The following CRMP1 variants were observed in gnomAD, a reference collection of about 807,000 sequenced individuals.
The protein encoded by CRMP1 is dihydropyrimidinase-related protein 1.
CRMP1 carries 19 observed loss-of-function variants against 68.3 expected under a neutral mutation model. The observed-to-expected ratio is 0.28, with a 90% confidence interval of 0.19 to 0.41. CRMP1 has a LOEUF of 0.41. Among genes scored for constraint, CRMP1 ranks in the 10% least tolerant of loss-of-function variants. CRMP1 has a pLI of 1.00. For synonymous variants in CRMP1, 439 were observed against 399.6 expected (o/e 1.10, Z -1.18); for missense variants, 791 against 967.4 (o/e 0.82, Z 2.42).
In CRMP1 at chr4:5,881,683, A is replaced by C. The variant is rs147832860; in HGVS notation, c.381+10906T>G. On this transcript the variant is annotated intron_variant, in intron 1 of 13. Transcript: ENST00000324989. The surrounding 1 kb of genome is among the most constrained non-coding windows in gnomAD (Gnocchi z 4.6). ...ATTCAACATCTCTCTGCTTGTGAAT[A>C]CTCAGGGCTCCACCTGAGAGATGCT... is the stretch of plus-strand genomic sequence containing the variant. 6.6e-6 allele frequency among the ~76,000 whole-genome samples: 1 copy of C among 152,104 alleles called. No individual in the cohort carries two copies. The highest frequency in any genetic ancestry group is 2.4e-5 in the African/African-American group (1 of 41,430).
rs377266859 is a variant in CRMP1 at position 5,865,044 on chromosome 4, A to G, written c.470+1624T>C. On this transcript the variant is annotated intron_variant, in intron 2 of 13. Transcript: ENST00000324989. This position sits in a 1 kb window ranked among gnomAD's most constrained non-coding sequence, Gnocchi z 4.1. The stretch of plus-strand genomic sequence containing the variant: ...TATGTGGTCCCTTTCAATGCCCCCA[A>G]TACTCCACAGCCCCTTTCCCCCAGC... Among the ~76,000 whole-genome samples, 6 of 151,358 alleles carry G rather than the reference A, an allele frequency of 4.0e-5. No individual in the cohort carries two copies. The highest frequency in any genetic ancestry group is 2.1e-4 in the South Asian group (1 of 4,786).
At position 5,878,508 on chromosome 4, in the gene CRMP1, T is replaced by C. The variant is rs148535847; in HGVS notation, c.382-11752A>G. 3.8e-3 allele frequency among the ~76,000 whole-genome samples: 578 copies of C among 152,290 alleles called. 3 individuals are homozygous for C. The highest frequency in any genetic ancestry group is 0.013 in the African/African-American group (543 of 41,562). ...GGGAAATACATTACATGCAGAGACC[T>C]GTCATCTAATAAACATTGCCAATGC... On this transcript the variant is annotated intron_variant, in intron 1 of 13. Transcript: ENST00000324989.
At chr4:5,857,225 CCATCAT>C (rs1249773374) in intron 3 of CRMP1, among the ~76,000 whole-genome samples, 1 of 151,356 alleles carries the variant, frequency 6.6e-6, no homozygotes, top group African/African-American at 2.4e-5. Flanking sequence ...ACCAGCACCA[CCATCAT>C]CACCATCACC....
chr4:5,849,516 A>C (rs2152462496), intron 5 of CRMP1, 44 bp from the exon 6 acceptor site: 1 of 1,417,764 alleles, frequency 7.1e-7, no homozygotes, highest in East Asian at 2.3e-5. Flanking sequence ...TTAAAAAAAA[A>C]AAAAAATCAC....
At chr4:5,830,630 C>G (rs533251295) in intron 11 of CRMP1, among the ~76,000 whole-genome samples, 1 of 152,236 alleles carries the variant, frequency 6.6e-6, no homozygotes, top group East Asian at 1.9e-4. Flanking sequence ...TATTGTAAAC[C>G]AAATTCTCAT....
In CRMP1 at chr4:5,841,463, G is replaced by C; in HGVS notation, c.1033-35C>G. On this transcript the variant is annotated intron_variant, in intron 7 of 13. Coordinates refer to ENST00000324989, the MANE Select transcript of CRMP1 (RefSeq NM_001014809.3). The surrounding 1 kb of genome is among the most constrained non-coding windows in gnomAD (Gnocchi z 6.9). The stretch of plus-strand genomic sequence containing the variant: ...GCACACACAGTGTCACAGGAGGGAA[G>C]GCTGGTGTAACAGCTACCACCCATC... 3.1e-6 allele frequency: 5 copies of C among 1,611,508 alleles called. No individual in the cohort carries two copies. The highest frequency in any genetic ancestry group is 4.2e-6 in the Non-Finnish European group (5 of 1,177,966).
chr4:5,845,678 T>C lies in CRMP1; in HGVS notation c.964-2517A>G, dbSNP rs115567627. ...TTTAAGACGCTATGTTCTGAAGTAATTTGTTATGCAATCATGGATGACTAG... is the reference window on the plus strand; with the variant it reads ...TTTAAGACGCTATGTTCTGAAGTAACTTGTTATGCAATCATGGATGACTAG... On this transcript the variant is annotated intron_variant, in intron 6 of 13. Transcript: ENST00000324989. Among the ~76,000 whole-genome samples, 1,326 of 152,316 alleles carry C rather than the reference T, an allele frequency of 8.7e-3. 26 individuals carry two copies. Among genetic ancestry groups the C allele is most frequent in the African/African-American group, 0.03 (1,242 of 41,572 alleles).
Position 5,853,041 on chromosome 4 carries a change from C to T in CRMP1, c.821-1572G>A, listed in dbSNP as rs1712783564. ...AGCCAGTCTGGAGGAGCAGGCGCATCCTGATGAGCCAGGCAGACAGCTTGC... is the reference window on the plus strand; with the variant it reads ...AGCCAGTCTGGAGGAGCAGGCGCATTCTGATGAGCCAGGCAGACAGCTTGC... On this transcript the variant is annotated intron_variant, in intron 4 of 13. Transcript: ENST00000324989. This position sits in a 1 kb window ranked among gnomAD's most constrained non-coding sequence, Gnocchi z 4.7. 6.6e-6 allele frequency among the ~76,000 whole-genome samples: 1 copy of T among 152,204 alleles called. No individual in the cohort carries two copies.
Position 5,889,899 on chromosome 4 carries a change from G to C in CRMP1, c.381+2690C>G. ...ACAGAGAAGCCAGCTCAGTATCCCAGGAACACTAGGCATAATTTTCCCATT... is the reference window on the plus strand; with the variant it reads ...ACAGAGAAGCCAGCTCAGTATCCCACGAACACTAGGCATAATTTTCCCATT... On this transcript the variant is annotated intron_variant, in intron 1 of 13. Coordinates refer to ENST00000324989, the MANE Select transcript of CRMP1 (RefSeq NM_001014809.3). The surrounding 1 kb of genome is among the most constrained non-coding windows in gnomAD (Gnocchi z 4.5). 2.1e-6 allele frequency: 3 copies of C among 1,407,262 alleles called. No individual in the cohort carries two copies. The highest frequency in any genetic ancestry group is 2.8e-6 in the Non-Finnish European group (3 of 1,082,176). 87.2% of individuals were successfully genotyped at this position (1,407,262 alleles called of 1,614,324 possible).
Position 5,821,995 on chromosome 4 carries a change from C to G in CRMP1, c.1970-144G>C, listed in dbSNP as rs1198179743. The G allele has an allele frequency of 6.0e-6, 4 of 661,292 alleles. No individual in the cohort carries two copies. In the Admixed American group the frequency reaches 1.1e-4, roughly 19 times the overall value. The allele number at this position is 661,292 out of a possible 1,614,324, so 41.0% of individuals were successfully genotyped here. Reference sequence around the variant, plus strand: ...TCCAGGACCAGCCATGGGAAGCCTCCCTGGCCTCCACAGAGTCCACTGCTC... The same window carrying G: ...TCCAGGACCAGCCATGGGAAGCCTCGCTGGCCTCCACAGAGTCCACTGCTC... On this transcript the variant is annotated intron_variant, in intron 13 of 13. Transcript: ENST00000324989. This position sits in a 1 kb window ranked among gnomAD's most constrained non-coding sequence, Gnocchi z 4.4.
intron 3 of CRMP1, among the ~76,000 whole-genome samples, chr4:5,856,864 TCATCACCATCACCACCA>T (rs1560505613): frequency 7.9e-4 from 2 of 2,532 alleles, no homozygotes; most frequent in African/African-American, 2.0e-3. Flanking sequence ...CACCCCACCA[TCATCACCATCACCACCA>T]CCACCACCAT....
rs1712979782 is a variant in CRMP1, at chr4:5,855,405, C to G, written c.820+738G>C. Reference sequence around the variant, plus strand: ...CCCGACTGCCCCTTTCTGGACAGATCGCTCATGCCCTGTCTCTTTCCATTC... The same window carrying G: ...CCCGACTGCCCCTTTCTGGACAGATGGCTCATGCCCTGTCTCTTTCCATTC... On this transcript the variant is annotated intron_variant, in intron 4 of 13. Transcript: ENST00000324989. This position sits in a 1 kb window ranked among gnomAD's most constrained non-coding sequence, Gnocchi z 4.9. Among the ~76,000 whole-genome samples the G allele has an allele frequency of 6.6e-6, 1 of 152,214 alleles. No individual in the cohort carries two copies. The highest frequency in any genetic ancestry group is 2.4e-5 in the African/African-American group (1 of 41,458).
rs1719329716 is a variant in CRMP1 at position 5,825,077 on chromosome 4, A to G, written c.1969+417T>C. ...AAAATCATGGGTTATGAAAGTGCTT[A>G]GTACACTGCAGTGGGTGAACAGGCT... is the stretch of plus-strand genomic sequence containing the variant. On this transcript the variant is annotated intron_variant, in intron 13 of 13. Transcript: ENST00000324989. This position sits in a 1 kb window ranked among gnomAD's most constrained non-coding sequence, Gnocchi z 4.4. The G allele has an allele frequency of 1.0e-6, 1 of 985,428 alleles. No homozygotes were observed. Among genetic ancestry groups the G allele is most frequent in the Non-Finnish European group, 1.2e-6 (1 of 829,924 alleles). The allele number at this position is 985,428 out of a possible 1,614,324, so 61.0% of individuals were successfully genotyped here. A position where few individuals can be genotyped will look rare whatever the true frequency, so the allele number is the denominator to read the frequency against.
rs1366933260 is a variant in CRMP1 at position 5,843,638 on chromosome 4, G to A, written c.964-477C>T. Among the ~76,000 whole-genome samples, 1 of 152,174 alleles carries A rather than the reference G, an allele frequency of 6.6e-6. No individual in the cohort carries two copies. Among genetic ancestry groups the A allele is most frequent in the East Asian group, 1.9e-4 (1 of 5,190 alleles). ...CGTCTCTGTGACTTTGGGCAGGTTGGTCAAGCTCTCTTGACCTCAGTCTCC... is the reference window on the plus strand; with the variant it reads ...CGTCTCTGTGACTTTGGGCAGGTTGATCAAGCTCTCTTGACCTCAGTCTCC... On this transcript the variant is annotated intron_variant, in intron 6 of 13. Transcript: ENST00000324989. This position sits in a 1 kb window ranked among gnomAD's most constrained non-coding sequence, Gnocchi z 4.1.
chr4:5,835,752 C>T (rs1017418277), intron 11 of CRMP1, among the ~76,000 whole-genome samples, 163 bp downstream of exon 11: 6 of 152,226 alleles, frequency 3.9e-5, no homozygotes, highest in East Asian at 1.9e-4. Context: ...CAGATCCCTC[C>T]TCCCAATCTC....
chr4:5,856,035 T>G, intron 4 of CRMP1, 108 bp downstream of exon 4: 1 of 1,314,458 alleles, frequency 7.6e-7, no homozygotes, highest in South Asian at 1.4e-5. Context: ...CAGCTCATAA[T>G]CAGGCTCAGA....
chr4:5,856,713 C>A (rs898843664), intron 3 of CRMP1, among the ~76,000 whole-genome samples: 1 of 151,736 alleles, frequency 6.6e-6, no homozygotes, highest in Non-Finnish European at 1.5e-5. Flanking sequence ...CTACCACCAC[C>A]GTCATCACTA....
chr4:5,851,329 G>A, intron 5 of CRMP1, 79 bp downstream of exon 5: 4 of 1,270,802 alleles, frequency 3.1e-6, no homozygotes, highest in Non-Finnish European at 4.6e-6. Context: ...AATCTCCCTT[G>A]CCCTGTGCTG....
Position 5,841,213 on chromosome 4 carries a change from G to T in CRMP1, c.1153+95C>A. On this transcript the variant is annotated intron_variant, in intron 8 of 13. Transcript: ENST00000324989. The surrounding 1 kb of genome is among the most constrained non-coding windows in gnomAD (Gnocchi z 6.9). ...CGCTCCACCCCTCCCTCCTCCGGCT[G>T]CCTGTCTGAGTTCGGGAGGGAGTGA... 1.3e-6 allele frequency: 2 copies of T among 1,591,462 alleles called. No individual in the cohort carries two copies. The highest frequency in any genetic ancestry group is 1.7e-6 in the Non-Finnish European group (2 of 1,161,718).
Sources: gnomAD v4.1 joint callset for allele counts (sites outside exome capture counted in the v4.1 genomes callset) on GRCh38, gnomAD v4.1.1 for gene constraint, Gnocchi (gnomAD v3.1) non-coding constraint, MANE v1.5 for transcripts, NCBI Gene and HGNC (gene_info 2026-07-23, HGNC 2026-07-21) for gene names.